Variants in AGAP1 observed in about 807,000 individuals in gnomAD.
AGAP1 encodes ArfGAP with GTPase domain, ankyrin repeat and PH domain 1, also known as arf-GAP with GTPase, ANK repeat and PH domain-containing protein 1.
AGAP1 carries 29 observed loss-of-function variants against 105.3 expected under a neutral mutation model. The observed-to-expected ratio is 0.28, with a 90% CI of 0.21 to 0.38. The LOEUF (loss-of-function observed/expected upper bound fraction) is 0.38. Ranked by LOEUF, AGAP1 falls within the 10% of genes least tolerant of loss-of-function variation. The pLI is 1.00. For synonymous variants in AGAP1, 509 were observed against 485.9 expected, an observed-to-expected ratio of 1.05 and a Z score of -0.63; for missense variants, 998 against 1,165.1, an observed-to-expected ratio of 0.86 and a Z score of 2.09.
rs1422883941 is a variant in AGAP1, at chr2:235,962,512, C to A, written c.1484-5950C>A. Reference sequence around the variant, plus strand: ...ATAGAGGAGCCACGGGAGTGAAGGCCTAGTGAGCTGGGGAGGCAGGGGTGG... The same window carrying A: ...ATAGAGGAGCCACGGGAGTGAAGGCATAGTGAGCTGGGGAGGCAGGGGTGG... On this transcript the variant is annotated intron_variant, in intron 12 of 17. Transcript: ENST00000304032. This position sits in a 1 kb window ranked among gnomAD's most constrained non-coding sequence, Gnocchi z 5.3. Among the ~76,000 whole-genome samples the A allele has an allele frequency of 6.6e-6, 1 of 151,938 alleles. No individual in the cohort carries two copies. Among genetic ancestry groups the A allele is most frequent in the East Asian group, 1.9e-4 (1 of 5,156 alleles).
chr2:236,099,306 T>G (rs1204719280), intron 16 of AGAP1, among the ~76,000 whole-genome samples: 1 of 151,690 alleles, frequency 6.6e-6, no homozygotes, highest in Non-Finnish European at 1.5e-5. Flanking sequence ...TACAAAAAAA[T>G]TAGCTGGGCG....
At position 235,875,957 on chromosome 2, in the gene AGAP1, G is replaced by T. The variant is rs1319885491; in HGVS notation, c.1051-7388G>T. ...CATGGATTCATTTAATGAGAGTTAA[G>T]TTTGACCATATAATGGAACAAATGT... is the stretch of plus-strand genomic sequence containing the variant. On this transcript the variant is annotated intron_variant, in intron 9 of 17. Coordinates refer to ENST00000304032, the MANE Select transcript of AGAP1 (RefSeq NM_001037131.3). This position sits in a 1 kb window ranked among gnomAD's most constrained non-coding sequence, Gnocchi z 4.0. Among the ~76,000 whole-genome samples the T allele has an allele frequency of 1.3e-5, 2 of 152,172 alleles. No individual in the cohort carries two copies. Among genetic ancestry groups the T allele is most frequent in the African/African-American group, 2.4e-5 (1 of 41,434 alleles).
chr2:235,661,651 G>A (rs968977032), intron 1 of AGAP1, among the ~76,000 whole-genome samples: 1 of 152,134 alleles, frequency 6.6e-6, no homozygotes, highest in African/African-American at 2.4e-5. Flanking sequence ...GGGAGACATG[G>A]AGCATCTCAG....
intron 9 of AGAP1, among the ~76,000 whole-genome samples, chr2:235,809,879 T>C (rs898985834): frequency 6.6e-6 from 1 of 152,166 alleles, no homozygotes; most frequent in Admixed American, 6.5e-5. Flanking sequence ...AATGAGTGCT[T>C]ATTATGTAAG....
At chr2:235,890,591 G>A (rs2050491254) in intron 10 of AGAP1, among the ~76,000 whole-genome samples, 1 of 152,184 alleles carries the variant, frequency 6.6e-6, no homozygotes, top group Admixed American at 6.5e-5. Context: ...GTGGGCGGGG[G>A]CTGCCCAGCC....
intron 9 of AGAP1, among the ~76,000 whole-genome samples, chr2:235,819,764 G>A (rs754975966): frequency 6.6e-6 from 1 of 151,982 alleles, no homozygotes; most frequent in Non-Finnish European, 1.5e-5. Context: ...TTTCCGGATG[G>A]TGCACACTCC....
At chr2:235,810,679 T>G (rs1559515216) in intron 9 of AGAP1, among the ~76,000 whole-genome samples, 1 of 152,168 alleles carries the variant, frequency 6.6e-6, no homozygotes, top group Non-Finnish European at 1.5e-5. Flanking sequence ...GTCAATGACG[T>G]TGTCTCTTTC....
rs959317706 is a variant in AGAP1, at chr2:236,038,166, ACATG to A, written c.1800+1455_1800+1458del. On this transcript the variant is annotated intron_variant, in intron 14 of 17. Coordinates refer to ENST00000304032, the MANE Select transcript of AGAP1 (RefSeq NM_001037131.3). This position sits in a 1 kb window ranked among gnomAD's most constrained non-coding sequence, Gnocchi z 4.5. ...ACCCTGGCTTTACTGGGTCACGTCC[ACATG>A]CATCCATGATGTGCCTCCTGAAACG... Among the ~76,000 whole-genome samples the A allele has an allele frequency of 6.6e-6, 1 of 152,198 alleles. No individual in the cohort carries two copies. The highest frequency in any genetic ancestry group is 2.4e-5 in the African/African-American group (1 of 41,450).
chr2:236,075,223 A>ACCAGATT (rs1206171428), intron 16 of AGAP1, among the ~76,000 whole-genome samples: 1 of 152,092 alleles, frequency 6.6e-6, no homozygotes, highest in African/African-American at 2.4e-5. Flanking sequence ...AACGTTCTAA[A>ACCAGATT]CCAGATTCTG....
Position 235,577,693 on chromosome 2 carries a change from G to T in AGAP1, c.163+82844G>T, listed in dbSNP as rs970741928. On this transcript the variant is annotated intron_variant, in intron 1 of 17. Transcript: ENST00000304032. This position sits in a 1 kb window ranked among gnomAD's most constrained non-coding sequence, Gnocchi z 4.5. ...ATTCGCCGAGTGGAACGTGTGTGTCGTCATCCCCTCGAAGGCTTGGCTGAT... is the reference window on the plus strand; with the variant it reads ...ATTCGCCGAGTGGAACGTGTGTGTCTTCATCCCCTCGAAGGCTTGGCTGAT... 1.3e-5 allele frequency among the ~76,000 whole-genome samples: 2 copies of T among 152,094 alleles called. No individual in the cohort carries two copies. Among genetic ancestry groups the T allele is most frequent in the Non-Finnish European group, 2.9e-5 (2 of 68,036 alleles).
chr2:235,977,033 A>G lies in AGAP1; in HGVS notation c.1645+8410A>G, dbSNP rs1419565631. Among the ~76,000 whole-genome samples the G allele has an allele frequency of 6.6e-6, 1 of 152,174 alleles. No homozygotes were observed. The highest frequency in any genetic ancestry group is 1.9e-4 in the East Asian group (1 of 5,190). On this transcript the variant is annotated intron_variant, in intron 13 of 17. Coordinates refer to ENST00000304032, the MANE Select transcript of AGAP1 (RefSeq NM_001037131.3). The surrounding 1 kb of genome is among the most constrained non-coding windows in gnomAD (Gnocchi z 5.2). ...CTCACAAGGTCCCTTTCTAAGATAC[A>G]GAAATGTGACGGACCTCAACTCCTT...
intron 13 of AGAP1, among the ~76,000 whole-genome samples, chr2:236,033,074 T>C (rs1003778893): frequency 1.1e-4 from 17 of 152,050 alleles, no homozygotes; most frequent in African/African-American, 3.9e-4. Flanking sequence ...GGTGAAACCC[T>C]GTCTCCACTA....
At chr2:236,122,086 G>T (rs2059913542) in intron 17 of AGAP1, among the ~76,000 whole-genome samples, 1 of 131,306 alleles carries the variant, frequency 7.6e-6, no homozygotes, top group Non-Finnish European at 1.6e-5. Context: ...CAAGTAATTG[G>T]GACCACAGGC....
intron 1 of AGAP1, among the ~76,000 whole-genome samples, chr2:235,605,546 C>T (rs1174383218): frequency 1.3e-5 from 2 of 152,212 alleles, no homozygotes; most frequent in African/African-American, 4.8e-5. Flanking sequence ...TACCTTGTTG[C>T]CAAGGCACGT....
chr2:235,948,618 A>T (rs1205883652), intron 12 of AGAP1, among the ~76,000 whole-genome samples: 1 of 152,228 alleles, frequency 6.6e-6, no homozygotes, highest in Non-Finnish European at 1.5e-5. Context: ...TTTAATTTAA[A>T]AAGTGAGTGC....
At chr2:235,783,949 A>G (rs1956441451) in intron 6 of AGAP1, among the ~76,000 whole-genome samples, 1 of 151,612 alleles carries the variant, frequency 6.6e-6, no homozygotes. Flanking sequence ...GTTGAATTGC[A>G]TCAGAAAATG....
Position 235,631,617 on chromosome 2 carries a change from C to T in AGAP1, c.164-77562C>T, listed in dbSNP as rs1946832178. Among the ~76,000 whole-genome samples, 1 of 152,204 alleles carries T rather than the reference C, an allele frequency of 6.6e-6. No homozygotes were observed. The highest frequency in any genetic ancestry group is 2.1e-4 in the South Asian group (1 of 4,830). ...TTCTGCTTTTTGCTTCTTCCCTGGG[C>T]TTGCTTTCCGTGTGATTCTGGGCAA... On this transcript the variant is annotated intron_variant, in intron 1 of 17. Transcript: ENST00000304032. The surrounding 1 kb of genome is among the most constrained non-coding windows in gnomAD (Gnocchi z 5.4).
chr2:235,653,464 C>G (rs541719121), intron 1 of AGAP1, among the ~76,000 whole-genome samples: 87 of 147,686 alleles, frequency 5.9e-4, no homozygotes, highest in African/African-American at 1.8e-3. Context: ...GCCTCCATCT[C>G]AAAAATAAAT....
intron 6 of AGAP1, among the ~76,000 whole-genome samples, chr2:235,784,180 G>A (rs186004765): frequency 9.2e-5 from 14 of 152,166 alleles, no homozygotes; most frequent in East Asian, 5.8e-4. Context: ...TGTAGGTCTC[G>A]TACATTAAGA....
Sources: gnomAD v4.1 joint callset for allele counts (sites outside exome capture counted in the v4.1 genomes callset) on GRCh38, gnomAD v4.1.1 for gene constraint, Gnocchi (gnomAD v3.1) non-coding constraint, MANE v1.5 for transcripts, NCBI Gene and HGNC (gene_info 2026-07-23, HGNC 2026-07-21) for gene names.